The following CHL1 variants were observed in gnomAD, a reference collection of about 807,000 sequenced individuals.
CHL1 encodes neural cell adhesion molecule L1-like protein.
Under a neutral mutation model 141.9 loss-of-function variants are expected in CHL1, and 96 were observed. The observed-to-expected ratio is 0.68, with a 90% CI of 0.57 to 0.80. CHL1 has a LOEUF of 0.80. Ranked by LOEUF, CHL1 falls within the 30% of genes least tolerant of loss-of-function variation. The pLI is 0.00. For missense variants in CHL1, 1,820 were observed against 1,457.2 expected (o/e 1.25, Z -4.05); for synonymous variants, 613 against 502.2 (o/e 1.22, Z -2.95).
Position 206,306 on chromosome 3 carries a change from A to G in CHL1, c.-175+9243A>G, listed in dbSNP as rs986132134. On this transcript the variant is annotated intron_variant, in intron 1 of 27. Transcript: ENST00000256509. ...AACATGGTGAAACTTCGTCTCTACTAAAAATACAAAAATTAGCTGGGCATG... is the reference window on the plus strand; with the variant it reads ...AACATGGTGAAACTTCGTCTCTACTGAAAATACAAAAATTAGCTGGGCATG... Among the ~76,000 whole-genome samples, 92 of 152,098 alleles carry G rather than the reference A, an allele frequency of 6.0e-4. 2 individuals carry two copies. The highest frequency in any genetic ancestry group is 1.5e-4 in the Non-Finnish European group (10 of 68,014).
At position 407,440 on chromosome 3, in the gene CHL1, T is replaced by G. The variant is rs1230338862; in HGVS notation, c.*1729T>G. 1 of 152,158 alleles carries G rather than the reference T, an allele frequency of 6.6e-6. No individual in the cohort carries two copies. Among genetic ancestry groups the G allele is most frequent in the African/African-American group, 2.4e-5 (1 of 41,432 alleles). 9.4% of individuals were successfully genotyped at this position (152,158 alleles called of 1,614,324 possible). A position where few individuals can be genotyped will look rare whatever the true frequency, so the allele number is the denominator to read the frequency against. On this transcript the variant is annotated 3_prime_UTR_variant, in exon 28 of 28. Transcript: ENST00000256509. ...ATGTCTTATTTAAAACTGTAATTTATGGGCTCAGGATCTGACCGCAGTCCC... is the reference window on the plus strand; with the variant it reads ...ATGTCTTATTTAAAACTGTAATTTAGGGGCTCAGGATCTGACCGCAGTCCC...
chr3:398,201 A>G (rs1708832553), intron 24 of CHL1, 26 bp from the exon 25 acceptor site: 2 of 1,469,102 alleles, frequency 1.4e-6, no homozygotes, highest in African/African-American at 1.4e-5. Context: ...TACAATTCAC[A>G]TGATTTAACT....
intron 2 of CHL1, among the ~76,000 whole-genome samples, chr3:294,432 A>T (rs1472178343): frequency 6.6e-6 from 1 of 152,212 alleles, no homozygotes; most frequent in African/African-American, 2.4e-5. Flanking sequence ...CAAGTTACCC[A>T]TGTAATATTA....
At chr3:323,370 T>A (rs1480466057) in intron 3 of CHL1, among the ~76,000 whole-genome samples, 1 of 152,098 alleles carries the variant, frequency 6.6e-6, no homozygotes, top group East Asian at 1.9e-4. Flanking sequence ...TTTTTGATAT[T>A]CTATAATGAA....
At chr3:261,005 T>G (rs1168934882) in intron 2 of CHL1, among the ~76,000 whole-genome samples, 1 of 152,234 alleles carries the variant, frequency 6.6e-6, no homozygotes, top group East Asian at 1.9e-4. Flanking sequence ...CTTGATTTTT[T>G]GCAGACATAA....
At chr3:391,642 ATG>A in intron 22 of CHL1, 31 bp from the exon 23 acceptor site, 1 of 1,524,918 alleles carries the variant, frequency 6.6e-7, no homozygotes, top group Non-Finnish European at 8.9e-7. Flanking sequence ...TTTCTAATTG[ATG>A]TGAGTTTATT....
intron 1 of CHL1, among the ~76,000 whole-genome samples, chr3:236,584 A>G (rs1007141929): frequency 3.3e-5 from 5 of 152,188 alleles, no homozygotes; most frequent in African/African-American, 1.2e-4. Flanking sequence ...CTATTATAGT[A>G]ATATAATTCT....
At chr3:373,334 C>G (rs1381177243) in intron 15 of CHL1, among the ~76,000 whole-genome samples, 1 of 152,208 alleles carries the variant, frequency 6.6e-6, no homozygotes, top group African/African-American at 2.4e-5. Flanking sequence ...GAAGCCCCAC[C>G]CAAGGAGGAA....
At chr3:265,090 G>A (rs374080223) in intron 2 of CHL1, among the ~76,000 whole-genome samples, 3 of 152,210 alleles carry the variant, frequency 2.0e-5, no homozygotes, top group East Asian at 3.9e-4. Context: ...CTTATTGGCC[G>A]TGTGCCAAGT....
At chr3:377,096 T>G (rs563242841) in intron 15 of CHL1, among the ~76,000 whole-genome samples, 40 of 152,328 alleles carry the variant, frequency 2.6e-4, no homozygotes, top group African/African-American at 9.4e-4. Flanking sequence ...TTTACGGAAC[T>G]TGAAAAATAC....
chr3:227,608 G>A (rs776870712), intron 1 of CHL1, among the ~76,000 whole-genome samples: 26 of 152,288 alleles, frequency 1.7e-4, no homozygotes, highest in African/African-American at 5.3e-4. Context: ...ATGTGTGGAC[G>A]GACAGATGCT....
At position 368,364 on chromosome 3, in the gene CHL1, T is replaced by A. The variant is rs190459212; in HGVS notation, c.1751+2249T>A. ...TGATGATCGGTCATGTTGAGCTTTTTTTCATATGTTTGTTGGCCATGTAAA... is the reference window on the plus strand; with the variant it reads ...TGATGATCGGTCATGTTGAGCTTTTATTCATATGTTTGTTGGCCATGTAAA... On this transcript the variant is annotated intron_variant, in intron 15 of 27. Coordinates refer to ENST00000256509, the MANE Select transcript of CHL1 (RefSeq NM_006614.4). Among the ~76,000 whole-genome samples the A allele has an allele frequency of 9.8e-5, 15 of 152,356 alleles. No homozygotes were observed. In the East Asian group the frequency reaches 2.9e-3, roughly 29 times the overall value.
chr3:319,782 G>A lies in CHL1; in HGVS notation c.6G>A (p.Glu2=), dbSNP rs760698735. Residue 2 remains glutamate, a synonymous_variant, in exon 3 of 28, where the codon GAG becomes GAA. Transcript: ENST00000256509. ...TGTCTTCTTCCTGAAGAGCAATGGAGCCGCTTTTACTTGGAAGAGGACTAA... is the reference window on the plus strand; with the variant it reads ...TGTCTTCTTCCTGAAGAGCAATGGAACCGCTTTTACTTGGAAGAGGACTAA... M[E]PLLLGRGLIV... The A allele has an allele frequency of 1.9e-6, 3 of 1,604,218 alleles. No individual in the cohort carries two copies. The East Asian group carries it at 6.7e-5, about 36-fold the overall frequency.
chr3:382,442 T>C (rs770753636), intron 17 of CHL1, 32 bp from the exon 18 acceptor site: 202 of 1,572,786 alleles, frequency 1.3e-4, no homozygotes, highest in East Asian at 1.8e-4. Context: ...ACTCCATACA[T>C]TCTAATATTT....
chr3:277,755 T>G (rs1329298140), intron 2 of CHL1, among the ~76,000 whole-genome samples: 2 of 152,230 alleles, frequency 1.3e-5, no homozygotes, highest in African/African-American at 4.8e-5. Flanking sequence ...CCTTTCCCTG[T>G]CTTTGGCATG....
At chr3:278,923 G>A (rs955597573) in intron 2 of CHL1, among the ~76,000 whole-genome samples, 1 of 152,208 alleles carries the variant, frequency 6.6e-6, no homozygotes, top group Admixed American at 6.5e-5. Context: ...ATGAGTTTCA[G>A]ATGTGAGTTT....
intron 11 of CHL1, among the ~76,000 whole-genome samples, chr3:359,728 T>C (rs1216845111): frequency 6.6e-6 from 1 of 152,164 alleles, no homozygotes; most frequent in Admixed American, 6.5e-5. Flanking sequence ...TTAGTCTTCC[T>C]GGGAAAATGA....
At chr3:387,327 G>C (rs1387252238) in intron 19 of CHL1, among the ~76,000 whole-genome samples, 1 of 152,166 alleles carries the variant, frequency 6.6e-6, no homozygotes, top group Non-Finnish European at 1.5e-5. Flanking sequence ...GAGAGGCAGA[G>C]GGAAGGGAAG....
chr3:260,357 G>T (rs1486942458), intron 2 of CHL1, among the ~76,000 whole-genome samples: 1 of 152,184 alleles, frequency 6.6e-6, no homozygotes, highest in Non-Finnish European at 1.5e-5. Flanking sequence ...CAAGGCATTA[G>T]AATATAATTA....
Sources: gnomAD v4.1 joint callset for allele counts (sites outside exome capture counted in the v4.1 genomes callset) on GRCh38, gnomAD v4.1.1 for gene constraint, MANE v1.5 for transcripts, NCBI Gene and HGNC (gene_info 2026-07-23, HGNC 2026-07-21) for gene names.